CSMD2: variants seen among roughly 807,000 people sequenced by gnomAD.
CSMD2 encodes CUB and sushi domain-containing protein 2.
Under a neutral mutation model 398.5 loss-of-function variants are expected in CSMD2, and 130 were observed. The ratio of observed to expected loss-of-function variants is 0.33; its 90% confidence interval spans 0.28 to 0.38. CSMD2 has a LOEUF of 0.38. Among genes scored for constraint, CSMD2 ranks in the 10% least tolerant of loss-of-function variants. The pLI, the probability that CSMD2 is intolerant of heterozygous loss-of-function variation, is 1.00. For missense variants in CSMD2, 3,829 were observed against 4,764.9 expected, an observed-to-expected ratio of 0.80 and a Z score of 5.78; for synonymous variants, 1,828 against 1,908.5, an observed-to-expected ratio of 0.96 and a Z score of 1.10.
At position 33,622,075 on chromosome 1, in the gene CSMD2, T is replaced by A. The variant is rs763450643; in HGVS notation, c.5827+92A>T. On this transcript the variant is annotated intron_variant, in intron 37 of 70. Coordinates refer to ENST00000373381, the MANE Select transcript of CSMD2 (RefSeq NM_001281956.2). ...GAAGGCTTAAGTGGGATGGACAATA[T>A]GCAGCTCCAGTTTAATCCTTGCTCA... is the stretch of plus-strand genomic sequence containing the variant. 1.6e-5 allele frequency: 15 copies of A among 932,996 alleles called. No homozygotes were observed. In the South Asian group the frequency reaches 1.6e-4, roughly 10 times the overall value. The allele number at this position is 932,996 out of a possible 1,614,324, so 57.8% of individuals were successfully genotyped here.
chr1:33,567,478 C>CATATATATATATATATATAT lies in CSMD2; in HGVS notation c.8380+114_8380+115insATATATATATATATATATAT, dbSNP rs774765893. The CATATATATATATATATATAT allele has an allele frequency of 7.2e-4, 340 of 469,736 alleles. 6 individuals carry two copies. Among genetic ancestry groups the CATATATATATATATATATAT allele is most frequent in the African/African-American group, 5.3e-3 (251 of 47,136 alleles). The allele number at this position is 469,736 out of a possible 1,614,324, so 29.1% of individuals were successfully genotyped here. On this transcript the variant is annotated intron_variant, in intron 53 of 70. Transcript: ENST00000373381. ...CAGTTTTGAAAAAAAAAATAGCAATCATATATATATATATATATTTAAAAC... is the reference window on the plus strand; with the variant it reads ...CAGTTTTGAAAAAAAAAATAGCAATCATATATATATATATATATATATATATATATATATATATTTAAAAC...
chr1:33,949,914 A>G (rs1485916861), intron 3 of CSMD2, among the ~76,000 whole-genome samples: 1 of 152,000 alleles, frequency 6.6e-6, no homozygotes, highest in Non-Finnish European at 1.5e-5. Context: ...AGTGCCTCCA[A>G]CTGCACATGG....
At chr1:33,547,265 A>G (rs1172465807) in intron 56 of CSMD2, among the ~76,000 whole-genome samples, 1 of 152,228 alleles carries the variant, frequency 6.6e-6, no homozygotes, top group Non-Finnish European at 1.5e-5. Context: ...CAAAGCCACA[A>G]GATCTATGGT....
intron 3 of CSMD2, among the ~76,000 whole-genome samples, chr1:33,937,812 C>A (rs1038967011): frequency 6.6e-6 from 1 of 152,178 alleles, no homozygotes; most frequent in African/African-American, 2.4e-5. Context: ...GAGGGAGTTA[C>A]CAATATAAAT....
At chr1:33,810,949 C>A (rs1242147418) in intron 9 of CSMD2, 85 bp from the exon 10 acceptor site, 6 of 1,485,868 alleles carry the variant, frequency 4.0e-6, no homozygotes, top group Non-Finnish European at 5.6e-6. Flanking sequence ...CCAGAAGACA[C>A]TGCATCTGTA....
rs1243313736 is a variant in CSMD2 at position 33,635,086 on chromosome 1, T to C, written c.5086+128A>G. On this transcript the variant is annotated intron_variant, in intron 31 of 70. Transcript: ENST00000373381. This position sits in a 1 kb window ranked among gnomAD's most constrained non-coding sequence, Gnocchi z 5.0. Reference sequence around the variant, plus strand: ...AAACGTCAGCACTCGGCCGTCCTTTTGGGGAGACTGTTCTGCGATTCCCAC... The same window carrying C: ...AAACGTCAGCACTCGGCCGTCCTTTCGGGGAGACTGTTCTGCGATTCCCAC... 4 of 637,804 alleles carry C rather than the reference T, an allele frequency of 6.3e-6. No individual in the cohort carries two copies. In the East Asian group the frequency reaches 1.1e-4, roughly 18 times the overall value. The allele number at this position is 637,804 out of a possible 1,614,324, so 39.5% of individuals were successfully genotyped here. A position where few individuals can be genotyped will look rare whatever the true frequency, so the allele number is the denominator to read the frequency against.
intron 2 of CSMD2, among the ~76,000 whole-genome samples, chr1:34,084,402 C>T (rs1657617394): frequency 1.3e-5 from 2 of 152,170 alleles, no homozygotes; most frequent in African/African-American, 2.4e-5. Flanking sequence ...AACTAAAGAG[C>T]TTCTGCACAG....
chr1:33,699,644 C>G lies in CSMD2; in HGVS notation c.3734-700G>C, dbSNP rs1645540717. ...GCCTTGAGCCCAGACGAGGGGAAAC[C>G]TGACTATACTCCGTGCATGATTTTC... On this transcript the variant is annotated intron_variant, in intron 23 of 70. Coordinates refer to ENST00000373381, the MANE Select transcript of CSMD2 (RefSeq NM_001281956.2). 3.3e-5 allele frequency among the ~76,000 whole-genome samples: 5 copies of G among 152,304 alleles called. No individual in the cohort carries two copies. The South Asian group carries it at 1.0e-3, about 32-fold the overall frequency.
chr1:33,680,208 T>A (rs1245381707), intron 25 of CSMD2, among the ~76,000 whole-genome samples: 2 of 148,860 alleles, frequency 1.3e-5, no homozygotes, highest in Non-Finnish European at 3.0e-5. Flanking sequence ...TGCTTTTTAC[T>A]TCCATGTGTT....
chr1:34,129,856 C>T (rs1030748040), intron 1 of CSMD2, among the ~76,000 whole-genome samples: 5 of 152,160 alleles, frequency 3.3e-5, no homozygotes, highest in African/African-American at 1.2e-4. Context: ...ACTGAATTCA[C>T]AGTCCCTTCT....
At chr1:34,003,039 C>T (rs1646948572) in intron 3 of CSMD2, among the ~76,000 whole-genome samples, 1 of 152,148 alleles carries the variant, frequency 6.6e-6, no homozygotes, top group South Asian at 2.1e-4. Context: ...AACAGTACCT[C>T]TGGGGCTTTG....
At chr1:33,668,221 G>A (rs1442525833) in intron 25 of CSMD2, among the ~76,000 whole-genome samples, 1 of 152,182 alleles carries the variant, frequency 6.6e-6, no homozygotes, top group Non-Finnish European at 1.5e-5. Context: ...CAGGGCTGGC[G>A]GGACTCCGTG....
At chr1:33,922,071 G>A (rs199951448) in intron 4 of CSMD2, among the ~76,000 whole-genome samples, 17 of 152,130 alleles carry the variant, frequency 1.1e-4, no homozygotes, top group Non-Finnish European at 2.1e-4. Flanking sequence ...TAGAGGAGAC[G>A]CAGCTCTGCA....
chr1:33,567,677 T>C lies in CSMD2; in HGVS notation c.8296A>G (p.Asn2766Asp). Residue 2766 changes from asparagine to aspartate, a missense_variant, in exon 53 of 71, where the codon AAT becomes GAT. Asn to Asp is a conservative substitution (Grantham distance 23). Coordinates refer to ENST00000373381, the MANE Select transcript of CSMD2 (RefSeq NM_001281956.2). ...ATGCCGATCAGGCGGAAGCCAGCAT[T>C]GCATTGGTACACCACACTGCCCCGG... ...SYRGSVVYQCNAGFRLIGMSV... is the reference protein window; with the variant it reads ...SYRGSVVYQCDAGFRLIGMSV... 8.1e-6 allele frequency: 13 copies of C among 1,614,138 alleles called. No homozygotes were observed. The highest frequency in any genetic ancestry group is 1.0e-5 in the Non-Finnish European group (12 of 1,180,016).
chr1:33,572,391 GTTTT>G (rs34459850), intron 50 of CSMD2, 111 bp downstream of exon 50: 8,335 of 811,652 alleles, frequency 0.01, 38 homozygotes, highest in African/African-American at 0.037. Flanking sequence ...CCATGTCCAT[GTTTT>G]TTTTTTTTTT....
At chr1:33,737,920 C>G (rs1396804688) in intron 15 of CSMD2, among the ~76,000 whole-genome samples, 1 of 152,062 alleles carries the variant, frequency 6.6e-6, no homozygotes, top group Non-Finnish European at 1.5e-5. Flanking sequence ...TATCATTATC[C>G]CTCCTTTTTT....
At chr1:33,714,924 G>T (rs1646117830) in intron 20 of CSMD2, 149 bp from the exon 21 acceptor site, 2 of 738,266 alleles carry the variant, frequency 2.7e-6, no homozygotes, top group South Asian at 1.9e-5. Context: ...GCCCACAAAA[G>T]GTGACACTGG....
chr1:34,107,387 T>C (rs182531244), intron 1 of CSMD2, among the ~76,000 whole-genome samples: 255 of 152,284 alleles, frequency 1.7e-3, no homozygotes, highest in Non-Finnish European at 2.9e-3. Context: ...TTAAACATTT[T>C]TTCTGTGCCA....
chr1:33,825,559 AAGCGCAG>A, intron 7 of CSMD2, 131 bp downstream of exon 7: 1 of 776,070 alleles, frequency 1.3e-6, no homozygotes, highest in Non-Finnish European at 2.1e-6. Flanking sequence ...CAGTGTGTCC[AAGCGCAG>A]AGCCCAGGAT....
Sources: allele counts gnomAD v4.1 joint callset (sites outside exome capture counted in the v4.1 genomes callset), GRCh38; gene constraint gnomAD v4.1.1; non-coding constraint Gnocchi (gnomAD v3.1); transcripts MANE v1.5; gene names NCBI Gene and HGNC (gene_info 2026-07-23, HGNC 2026-07-21).